The following SPOCK3 variants were observed in gnomAD, a reference collection of about 807,000 sequenced individuals.
The protein encoded by SPOCK3 is SPARC (osteonectin), cwcv and kazal like domains proteoglycan 3.
A neutral mutation model predicts 56.6 loss-of-function variants in SPOCK3; 30 were observed. That is an observed-to-expected ratio of 0.53 (90% confidence interval 0.40 to 0.72). The LOEUF is 0.72. Among genes scored for constraint, SPOCK3 ranks in the 30% least tolerant of loss-of-function variants. The pLI is 0.00. For synonymous variants in SPOCK3, 196 were observed against 183.3 expected, an observed-to-expected ratio of 1.07 and a Z score of -0.56; for missense variants, 527 against 530.0, an observed-to-expected ratio of 0.99 and a Z score of 0.06.
chr4:167,117,245 A>G (rs1761504385), intron 2 of SPOCK3, among the ~76,000 whole-genome samples: 1 of 152,146 alleles, frequency 6.6e-6, no homozygotes, highest in African/African-American at 2.4e-5. Flanking sequence ...AGGAAAAGGA[A>G]CATCAGCACA....
At chr4:166,754,483 C>T (rs371869839) in intron 8 of SPOCK3, 25 bp downstream of exon 8, 79 of 1,590,290 alleles carry the variant, frequency 5.0e-5, no homozygotes, top group South Asian at 2.3e-4. Flanking sequence ...CAACTATTTG[C>T]GTCTGTAAGG....
At chr4:166,971,655 A>C (rs1233139320) in intron 4 of SPOCK3, among the ~76,000 whole-genome samples, 1 of 152,136 alleles carries the variant, frequency 6.6e-6, no homozygotes, top group Non-Finnish European at 1.5e-5. Context: ...AGAAGCTATA[A>C]ACCAAAACAC....
intron 2 of SPOCK3, among the ~76,000 whole-genome samples, chr4:167,066,040 GT>G (rs1356605473): frequency 1.3e-5 from 2 of 151,842 alleles, no homozygotes; most frequent in African/African-American, 4.8e-5. Context: ...CCTACTTCTT[GT>G]ACTTACAGAA....
chr4:166,826,034 C>T (rs1480271529), intron 6 of SPOCK3, among the ~76,000 whole-genome samples: 3 of 151,950 alleles, frequency 2.0e-5, no homozygotes, highest in Non-Finnish European at 2.9e-5. Context: ...TCCCCAAAAA[C>T]TATTAAATTT....
At chr4:166,913,819 T>C (rs1445371415) in intron 4 of SPOCK3, among the ~76,000 whole-genome samples, 1 of 152,132 alleles carries the variant, frequency 6.6e-6, no homozygotes, top group African/African-American at 2.4e-5. Context: ...ATGAAGCCTA[T>C]CATAGTTCCA....
chr4:167,149,829 GTATATATATATGTA>G (rs1412927602), intron 2 of SPOCK3, among the ~76,000 whole-genome samples: 3 of 70,754 alleles, frequency 4.2e-5, no homozygotes, highest in East Asian at 7.7e-4. Flanking sequence ...TATATGGTGT[GTATATATATATGTA>G]TATATATATA....
intron 5 of SPOCK3, among the ~76,000 whole-genome samples, chr4:166,905,940 A>G (rs187245758): frequency 9.2e-5 from 14 of 152,108 alleles, no homozygotes; most frequent in African/African-American, 3.1e-4. Flanking sequence ...GAAAATTACC[A>G]AACATTAATT....
intron 4 of SPOCK3, among the ~76,000 whole-genome samples, chr4:166,916,709 A>T (rs971309376): frequency 6.6e-6 from 1 of 152,156 alleles, no homozygotes; most frequent in Admixed American, 6.6e-5. Flanking sequence ...ACATATGCCC[A>T]TTTCATTAAT....
chr4:167,231,529 C>A (rs530487993), intron 2 of SPOCK3, among the ~76,000 whole-genome samples: 1 of 152,096 alleles, frequency 6.6e-6, no homozygotes, highest in East Asian at 1.9e-4. Flanking sequence ...AATGCTCATG[C>A]AGAACATTTA....
intron 2 of SPOCK3, among the ~76,000 whole-genome samples, chr4:167,100,511 C>T (rs1759551978): frequency 6.6e-6 from 1 of 151,244 alleles, no homozygotes; most frequent in Admixed American, 6.6e-5. Context: ...ACACAACCCT[C>T]ATTCTCTCTC....
At chr4:166,831,287 T>A (rs1746022731) in intron 6 of SPOCK3, among the ~76,000 whole-genome samples, 1 of 152,190 alleles carries the variant, frequency 6.6e-6, no homozygotes, top group South Asian at 2.1e-4. Flanking sequence ...GTTAACCTCA[T>A]AAGGGGAGCT....
At chr4:167,228,409 CTCTTTAATTTCTGTTA>C (rs1312078159) in intron 2 of SPOCK3, among the ~76,000 whole-genome samples, 1 of 152,076 alleles carries the variant, frequency 6.6e-6, no homozygotes, top group African/African-American at 2.4e-5. Flanking sequence ...TTGCTTGCTT[CTCTTTAATTTCTGTTA>C]GGATAAACAC....
At position 166,849,521 on chromosome 4, in the gene SPOCK3, G is replaced by C. The variant is rs551314204; in HGVS notation, c.589+39609C>G. 2.9e-4 allele frequency among the ~76,000 whole-genome samples: 44 copies of C among 152,030 alleles called. 1 individual carries two copies. Among genetic ancestry groups the C allele is most frequent in the Admixed American group, 9.8e-4 (15 of 15,282 alleles). ...TTTAATACTTGTTTGGCCAGGGAAG[G>C]TTTCATAAGAGAACAAGAAATTTAA... On this transcript the variant is annotated intron_variant, in intron 6 of 10. Transcript: ENST00000357545.
intron 2 of SPOCK3, among the ~76,000 whole-genome samples, chr4:167,091,652 A>T (rs984988952): frequency 6.6e-6 from 1 of 152,274 alleles, no homozygotes. Flanking sequence ...ATCATCAGAA[A>T]CAAATGTGCA....
chr4:167,191,049 C>A (rs2110845736), intron 2 of SPOCK3, among the ~76,000 whole-genome samples: 1 of 145,736 alleles, frequency 6.9e-6, no homozygotes, highest in East Asian at 2.1e-4. Flanking sequence ...ATTTTGAAAT[C>A]AGGAAGTGTA....
rs763227370 is a variant in SPOCK3 at position 167,127,031 on chromosome 4, C to T, written c.190-64494G>A. On this transcript the variant is annotated intron_variant, in intron 2 of 10. Coordinates refer to ENST00000357545, the MANE Select transcript of SPOCK3 (RefSeq NM_001040159.2). ...GGACGTGTCCTGGTGATGAATGGCT[C>T]GGACCATTATGGACCAGCAATAGAA... Among the ~76,000 whole-genome samples the T allele has an allele frequency of 9.2e-5, 14 of 152,158 alleles. No individual in the cohort carries two copies. The Middle Eastern group carries it at 0.017, about 185-fold the overall frequency.
intron 3 of SPOCK3, among the ~76,000 whole-genome samples, chr4:167,049,462 A>G (rs1472606656): frequency 2.6e-5 from 4 of 152,176 alleles, no homozygotes; most frequent in African/African-American, 9.6e-5. Context: ...TGGTGTCTCA[A>G]TGAGGATTTT....
intron 2 of SPOCK3, among the ~76,000 whole-genome samples, chr4:167,208,363 T>C (rs1734554753): frequency 6.6e-6 from 1 of 152,146 alleles, no homozygotes; most frequent in East Asian, 1.9e-4. Flanking sequence ...AGAGATATAA[T>C]AGGAAATGTA....
intron 6 of SPOCK3, among the ~76,000 whole-genome samples, chr4:166,874,414 A>G (rs1384295011): frequency 6.6e-6 from 1 of 152,138 alleles, no homozygotes; most frequent in East Asian, 1.9e-4. Context: ...AAAGCATCAG[A>G]CCCTTGAAAA....
Sources: allele counts gnomAD v4.1 joint callset (sites outside exome capture counted in the v4.1 genomes callset), GRCh38; gene constraint gnomAD v4.1.1; transcripts MANE v1.5; gene names NCBI Gene and HGNC (gene_info 2026-07-23, HGNC 2026-07-21).